Variants in COL11A2 observed in about 807,000 individuals in gnomAD.
COL11A2 encodes collagen type XI alpha 2 chain.
A neutral mutation model predicts 273.4 loss-of-function variants in COL11A2; 116 were observed. That is an observed-to-expected ratio of 0.42 (90% CI 0.36 to 0.49). The LOEUF (loss-of-function observed/expected upper bound fraction) is 0.49. Among genes scored for constraint, COL11A2 ranks in the 20% least tolerant of loss-of-function variants. The probability of loss-of-function intolerance (pLI) is 0.00; values close to 1 mark genes in which losing one functional copy is unlikely to be tolerated. For missense variants in COL11A2, 1,866 were observed against 2,309.0 expected (o/e 0.81, Z 3.93); for synonymous variants, 782 against 864.2 (o/e 0.90, Z 1.67).
chr6:33,164,453 C>T lies in COL11A2; in HGVS notation c.4884G>A (p.Glu1628=). ...DVTQFSYVDS[E]GSPVGVVQLT... ...GCTGGACCACACCCACTGGGGAGCC[C>T]TCTGAGTCCACGTAAGAGAACTGGA... Residue 1628 remains glutamate (E), a synonymous_variant, in exon 65 of 66, where the codon GAG becomes GAA. Transcript: ENST00000341947. The surrounding 1 kb of genome is among the most constrained non-coding windows in gnomAD (Gnocchi z 4.7). The T allele has an allele frequency of 6.4e-7, 1 of 1,567,368 alleles. No homozygotes were observed. Among genetic ancestry groups the T allele is most frequent in the South Asian group, 1.2e-5 (1 of 85,870 alleles).
chr6:33,176,050 C>A lies in COL11A2; in HGVS notation c.2234G>T (p.Gly745Val). 1.2e-6 allele frequency: 2 copies of A among 1,613,034 alleles called. No individual in the cohort carries two copies. The highest frequency in any genetic ancestry group is 1.7e-6 in the Non-Finnish European group (2 of 1,180,026). ...TTTCACGCCTATGTCACCTTTGAACCCAGGAAAGCCATCCTCACCCTGAGA... is the reference window on the plus strand; with the variant it reads ...TTTCACGCCTATGTCACCTTTGAACACAGGAAAGCCATCCTCACCCTGAGA... ...KGEKGEDGFP[G>V]FKGDIGVKGD... The change falls in exon 29 of 66, where the codon GGG (glycine) becomes GTG (valine). Residue 745 changes from glycine (G) to valine (V), a missense_variant. Physicochemically the swap from Gly to Val is moderately radical, Grantham distance 109 (BLOSUM62 -3). Coordinates refer to ENST00000341947, the MANE Select transcript of COL11A2 (RefSeq NM_080680.3). The surrounding 1 kb of genome is among the most constrained non-coding windows in gnomAD (Gnocchi z 4.9).
Position 33,189,179 on chromosome 6 carries a change from G to A in COL11A2, c.242C>T (p.Pro81Leu), listed in dbSNP as rs1369220717. 1.2e-6 allele frequency: 2 copies of A among 1,613,882 alleles called. No homozygotes were observed. Among genetic ancestry groups the A allele is most frequent in the African/African-American group, 1.3e-5 (1 of 75,014 alleles). ...PTRQLFPGGF[P>L]KDFSLLTVVR... Reference sequence around the variant, plus strand: ...AACAGTCAGCAGAGAGAAATCTTTGGGAAATCCTCCTAGTAACCGAGAGAG... The same window carrying A: ...AACAGTCAGCAGAGAGAAATCTTTGAGAAATCCTCCTAGTAACCGAGAGAG... The change falls in exon 3 of 66, where the codon CCC becomes CTC. Residue 81 changes from proline to leucine, a missense_variant. Coordinates refer to ENST00000341947, the MANE Select transcript of COL11A2 (RefSeq NM_080680.3). This position sits in a 1 kb window ranked among gnomAD's most constrained non-coding sequence, Gnocchi z 5.6.
chr6:33,192,635 T>G, upstream of COL11A2: 1 of 330,368 alleles, frequency 3.0e-6, no homozygotes, highest in South Asian at 3.2e-5. Flanking sequence ...TCCTGCCCCT[T>G]GTAGGTCTCA....
At chr6:33,168,111 A>G (rs1769447383) in intron 54 of COL11A2, among the ~76,000 whole-genome samples, 1 of 152,040 alleles carries the variant, frequency 6.6e-6, no homozygotes. Flanking sequence ...CCCAGAAACT[A>G]AAAAGGTTCA....
At chr6:33,186,438 C>G in intron 5 of COL11A2, 189 bp downstream of exon 5, 1 of 1,442,002 alleles carries the variant, frequency 6.9e-7, no homozygotes, top group Non-Finnish European at 9.1e-7. Context: ...CAGCTCCCAG[C>G]CACAAATTCT....
At position 33,189,216 on chromosome 6, in the gene COL11A2, G is replaced by T; in HGVS notation, c.233-28C>A. ...AGTAACCGAGAGAGATACACACAGA[G>T]TGAGAGGCAAAGGGAGCCGCCACAA... On this transcript the variant is annotated intron_variant, in intron 2 of 65. Coordinates refer to ENST00000341947, the MANE Select transcript of COL11A2 (RefSeq NM_080680.3). The surrounding 1 kb of genome is among the most constrained non-coding windows in gnomAD (Gnocchi z 5.6). The T allele has an allele frequency of 6.2e-7, 1 of 1,612,652 alleles. No homozygotes were observed. Among genetic ancestry groups the T allele is most frequent in the Non-Finnish European group, 8.5e-7 (1 of 1,179,234 alleles).
In COL11A2 at chr6:33,164,348, G is replaced by T; in HGVS notation, c.4989C>A (p.Pro1663=). Residue 1663 remains proline (P), a synonymous_variant, in exon 65 of 66, where the codon CCC becomes CCA. Coordinates refer to ENST00000341947, the MANE Select transcript of COL11A2 (RefSeq NM_080680.3). The surrounding 1 kb of genome is among the most constrained non-coding windows in gnomAD (Gnocchi z 4.7). ...CCTCATTGGCCCCACGGAGTCTCAG[G>T]GGACCGTCACGGGCTGCTCCAGAGC... ...YPCSGAARDG[P]LRLRGANEDE... is the part of the protein sequence containing the mutation. 6.2e-7 allele frequency: 1 copy of T among 1,612,878 alleles called. No individual in the cohort carries two copies.
chr6:33,188,331 A>T (rs1435325507), intron 4 of COL11A2, 31 bp downstream of exon 4: 2 of 1,612,826 alleles, frequency 1.2e-6, no homozygotes, highest in Middle Eastern at 1.7e-4. Context: ...GGGGACCAGA[A>T]GTCAATCCTG....
In COL11A2 at chr6:33,172,642, A is replaced by G. The variant is rs372601966; in HGVS notation, c.2791-5T>C. On this transcript the variant is annotated splice_polypyrimidine_tract_variant and splice_region_variant and intron_variant, in intron 38 of 65. Transcript: ENST00000341947. ...GCCGGTTTCTCCTGCTGCTCCCTAG[A>G]CAAAAGCAGAGAGAGTTCCTGCTCT... 3.7e-6 allele frequency: 6 copies of G among 1,610,668 alleles called. No individual in the cohort carries two copies. In the African/African-American group the frequency reaches 6.7e-5, roughly 18 times the overall value.
chr6:33,178,708 G>C lies in COL11A2; in HGVS notation c.1690C>G (p.Pro564Ala). ...TGGCCCTTCTCTCCAGGGAGCCCTG[G>C]GAGTCCATCAAAACCTCGGTCACCC... ...VKGDRGFDGL[P>A]GLPGEKGHRG... The change falls in exon 18 of 66, where the codon CCA becomes GCA. Residue 564 changes from proline (P) to alanine (A), a missense_variant. Pro to Ala is a conservative substitution (Grantham distance 27). Coordinates refer to ENST00000341947, the MANE Select transcript of COL11A2 (RefSeq NM_080680.3). This position sits in a 1 kb window ranked among gnomAD's most constrained non-coding sequence, Gnocchi z 4.6. 1 of 1,612,796 alleles carries C rather than the reference G, an allele frequency of 6.2e-7. No individual in the cohort carries two copies. The highest frequency in any genetic ancestry group is 8.5e-7 in the Non-Finnish European group (1 of 1,179,906).
Position 33,165,108 on chromosome 6 carries a change from T to G in COL11A2, c.4751-144A>C. 3 of 670,112 alleles carry G rather than the reference T, an allele frequency of 4.5e-6. No individual in the cohort carries two copies. Among genetic ancestry groups the G allele is most frequent in the Non-Finnish European group, 7.9e-6 (3 of 378,526 alleles). The allele number at this position is 670,112 out of a possible 1,614,324, so 41.5% of individuals were successfully genotyped here. A position where few individuals can be genotyped will look rare whatever the true frequency, so the allele number is the denominator to read the frequency against. On this transcript the variant is annotated intron_variant, in intron 63 of 65. Coordinates refer to ENST00000341947, the MANE Select transcript of COL11A2 (RefSeq NM_080680.3). The surrounding 1 kb of genome is among the most constrained non-coding windows in gnomAD (Gnocchi z 7.7). ...CCTCCTCCCTCCCAGAGCCCTAGAA[T>G]CTAGCCCTACTGCTGGATTCTACTG...
At position 33,169,958 on chromosome 6, in the gene COL11A2, T is replaced by C; in HGVS notation, c.3637-74A>G. On this transcript the variant is annotated intron_variant, in intron 49 of 65. Transcript: ENST00000341947. This position sits in a 1 kb window ranked among gnomAD's most constrained non-coding sequence, Gnocchi z 5.5. Reference sequence around the variant, plus strand: ...AATTCTGATATTCCCCACATCTCATTCTCTTTTGTCTCCCCACCCAAAATT... The same window carrying C: ...AATTCTGATATTCCCCACATCTCATCCTCTTTTGTCTCCCCACCCAAAATT... 1 of 1,612,610 alleles carries C rather than the reference T, an allele frequency of 6.2e-7. No individual in the cohort carries two copies.
At chr6:33,171,865 C>T (rs776924098) in intron 41 of COL11A2, 45 bp from the exon 42 acceptor site, 28 of 1,599,158 alleles carry the variant, frequency 1.8e-5, no homozygotes, top group Admixed American at 3.3e-5. Context: ...GACACCAGCC[C>T]GCCCATACCA....
Position 33,166,069 on chromosome 6 carries a change from C to G in COL11A2, c.4429-85G>C. On this transcript the variant is annotated intron_variant, in intron 61 of 65. Coordinates refer to ENST00000341947, the MANE Select transcript of COL11A2 (RefSeq NM_080680.3). This position sits in a 1 kb window ranked among gnomAD's most constrained non-coding sequence, Gnocchi z 4.8. ...CAGAAAGATCAAATCAGCCTCCTGG[C>G]TGGAATAAGGGGCTCCTTGGGGGGA... 1.9e-6 allele frequency: 3 copies of G among 1,607,206 alleles called. No homozygotes were observed. Among genetic ancestry groups the G allele is most frequent in the Non-Finnish European group, 1.7e-6 (2 of 1,175,756 alleles).
chr6:33,165,762 G>C lies in COL11A2; in HGVS notation c.4537C>G (p.Arg1513Gly). The change falls in exon 63 of 66, where the codon CGG (arginine) becomes GGG (glycine). Residue 1513 changes from arginine to glycine, a missense_variant. Physicochemically the swap from Arg to Gly is moderately radical, Grantham distance 125. Coordinates refer to ENST00000341947, the MANE Select transcript of COL11A2 (RefSeq NM_080680.3). The surrounding 1 kb of genome is among the most constrained non-coding windows in gnomAD (Gnocchi z 7.7). ...AGACGGCTTCCATCCACCGAGCGCC[G>C]AGTCTTCTTGGGCATCTGAATGGGC... Reference protein sequence around the residue: ...PLPIQMPKKTRRSVDGSRLMQ... With the variant: ...PLPIQMPKKTGRSVDGSRLMQ... 1 of 1,612,870 alleles carries C rather than the reference G, an allele frequency of 6.2e-7. No individual in the cohort carries two copies. Among genetic ancestry groups the C allele is most frequent in the Non-Finnish European group, 8.5e-7 (1 of 1,180,000 alleles).
At position 33,169,459 on chromosome 6, in the gene COL11A2, T is replaced by C. The variant is rs1264678151; in HGVS notation, c.3722A>G (p.Glu1241Gly). The change falls in exon 51 of 66, where the codon GAG becomes GGG. Residue 1241 changes from glutamate to glycine, a missense_variant. Physicochemically the swap from Glu to Gly is moderately conservative, Grantham distance 98. Transcript: ENST00000341947. The surrounding 1 kb of genome is among the most constrained non-coding windows in gnomAD (Gnocchi z 5.5). ...CCCTGGCTCTCCTGGCTGCCCCGAC[T>C]CTCCTTTCTCTCCACGTTCCCCGCG... is the stretch of plus-strand genomic sequence containing the variant. ...GPRGERGEKGESGQPGEPGPP... is the reference protein window; with the variant it reads ...GPRGERGEKGGSGQPGEPGPP... 1.2e-6 allele frequency: 2 copies of C among 1,612,882 alleles called. No individual in the cohort carries two copies. The highest frequency in any genetic ancestry group is 1.7e-6 in the Non-Finnish European group (2 of 1,179,988).
chr6:33,187,553 G>A (rs1772588133), intron 4 of COL11A2, among the ~76,000 whole-genome samples: 1 of 152,082 alleles, frequency 6.6e-6, no homozygotes, highest in Non-Finnish European at 1.5e-5. Context: ...GTGGCTGGGG[G>A]CTTACATGCA....
At chr6:33,186,549 CA>C in intron 5 of COL11A2, 77 bp downstream of exon 5, 2 of 1,611,434 alleles carry the variant, frequency 1.2e-6, no homozygotes, top group Non-Finnish European at 8.5e-7. Context: ...GTGGGGAGGA[CA>C]ACTAAGGAGG....
chr6:33,191,390 G>A (rs567001599), intron 1 of COL11A2, among the ~76,000 whole-genome samples: 1 of 152,366 alleles, frequency 6.6e-6, no homozygotes, highest in East Asian at 1.9e-4. Flanking sequence ...GGTGCTCACA[G>A]CCCCCTCCTT....
Sources: allele counts gnomAD v4.1 joint callset (sites outside exome capture counted in the v4.1 genomes callset), GRCh38; gene constraint gnomAD v4.1.1; non-coding constraint Gnocchi (gnomAD v3.1); transcripts MANE v1.5; gene names NCBI Gene and HGNC (gene_info 2026-07-23, HGNC 2026-07-21).